RYR3: variants seen among roughly 807,000 people sequenced by gnomAD.
The protein encoded by RYR3 is brain ryanodine receptor-calcium release channel.
A neutral mutation model predicts 584.3 loss-of-function variants in RYR3; 207 were observed. That is an observed-to-expected ratio of 0.35 (90% CI 0.32 to 0.40). The LOEUF (loss-of-function observed/expected upper bound fraction) is 0.40. Ranked by LOEUF, RYR3 falls within the 10% of genes least tolerant of loss-of-function variation. The pLI, the probability that RYR3 is intolerant of heterozygous loss-of-function variation, is 1.00. For missense variants in RYR3, 5,616 were observed against 6,089.2 expected, an observed-to-expected ratio of 0.92 and a Z score of 2.59; for synonymous variants, 2,416 against 2,248.5, an observed-to-expected ratio of 1.07 and a Z score of -2.11.
Position 33,550,268 on chromosome 15 carries a change from G to C in RYR3, c.924G>C (p.Arg308=). ...ACCAAGGCCTTATACTGCAAGACCGGGCAAAGTCAGACACCAAGTCCACAG... is the reference window on the plus strand; with the variant it reads ...ACCAAGGCCTTATACTGCAAGACCGCGCAAAGTCAGACACCAAGTCCACAG... ...TEDQGLILQD[R]AKSDTKSTAF... is the part of the protein sequence containing the mutation. The change falls in exon 10 of 104, where the codon CGG becomes CGC. Residue 308 remains arginine (R), a synonymous_variant. Transcript: ENST00000634891. 6.2e-7 allele frequency: 1 copy of C among 1,613,532 alleles called. No homozygotes were observed. The highest frequency in any genetic ancestry group is 2.2e-5 in the East Asian group (1 of 44,840).
At chr15:33,678,198 T>G (rs1370707907) in intron 38 of RYR3, among the ~76,000 whole-genome samples, 1 of 152,210 alleles carries the variant, frequency 6.6e-6, no homozygotes, top group Non-Finnish European at 1.5e-5. Context: ...TGATATGGTT[T>G]GGCTCTGTGT....
chr15:33,449,070 A>G (rs2046901605), intron 1 of RYR3, among the ~76,000 whole-genome samples: 1 of 152,196 alleles, frequency 6.6e-6, no homozygotes. Context: ...GTGGCAAGTT[A>G]TCCCCAAACT....
chr15:33,401,081 G>GA (rs2042632480), intron 1 of RYR3, among the ~76,000 whole-genome samples: 1 of 152,220 alleles, frequency 6.6e-6, no homozygotes, highest in Admixed American at 6.5e-5. Flanking sequence ...AAATATGAGC[G>GA]AATGCCCTTC....
chr15:33,370,211 G>T (rs75908835), intron 1 of RYR3, among the ~76,000 whole-genome samples: 3,822 of 152,170 alleles, frequency 0.025, 99 homozygotes, highest in East Asian at 0.12. Flanking sequence ...GCACTGAGAT[G>T]CTTTCCAAAA....
intron 60 of RYR3, among the ~76,000 whole-genome samples, chr15:33,767,412 T>G (rs2073185151): frequency 6.6e-6 from 1 of 152,228 alleles, no homozygotes; most frequent in Admixed American, 6.5e-5. Flanking sequence ...TGTGTTCTCT[T>G]AAGCTATAGG....
intron 1 of RYR3, among the ~76,000 whole-genome samples, chr15:33,456,151 C>A (rs908906985): frequency 1.3e-4 from 20 of 152,154 alleles, no homozygotes; most frequent in Non-Finnish European, 2.8e-4. Flanking sequence ...GTTTTTAGGG[C>A]TAGTCTGTCT....
In RYR3 at chr15:33,311,768, C is replaced by T. The variant is rs951341815; in HGVS notation, c.51+672C>T. ...TTCTGCTCCTGGCTCCCGCGAGCCC[C>T]GCAGGACAGGGAAACCCCAGTCAGT... is the stretch of plus-strand genomic sequence containing the variant. On this transcript the variant is annotated intron_variant, in intron 1 of 103. Transcript: ENST00000634891. The surrounding 1 kb of genome is among the most constrained non-coding windows in gnomAD (Gnocchi z 4.4). Among the ~76,000 whole-genome samples, 4 of 152,232 alleles carry T rather than the reference C, an allele frequency of 2.6e-5. No individual in the cohort carries two copies. Among genetic ancestry groups the T allele is most frequent in the African/African-American group, 9.6e-5 (4 of 41,470 alleles).
chr15:33,574,964 G>C (rs1461287682), intron 12 of RYR3, among the ~76,000 whole-genome samples: 1 of 152,130 alleles, frequency 6.6e-6, no homozygotes, highest in Non-Finnish European at 1.5e-5. Context: ...GTGGAAAAAA[G>C]CAGGGGTTAT....
intron 48 of RYR3, among the ~76,000 whole-genome samples, chr15:33,735,363 T>C (rs974392609): frequency 6.6e-6 from 1 of 152,232 alleles, no homozygotes; most frequent in Non-Finnish European, 1.5e-5. Flanking sequence ...CGACTTTTGT[T>C]CTCCATCTGC....
intron 38 of RYR3, among the ~76,000 whole-genome samples, chr15:33,671,805 CTTTTTTTTTTT>C (rs56206846): frequency 5.0e-5 from 4 of 80,300 alleles, no homozygotes; most frequent in African/African-American, 2.2e-4. Flanking sequence ...CCTTCTTTTT[CTTTTTTTTTTT>C]TTTTTTTTTT....
intron 37 of RYR3, 53 bp downstream of exon 37, chr15:33,669,509 T>C: frequency 6.7e-7 from 1 of 1,497,480 alleles, no homozygotes. Flanking sequence ...GAGTCTGTTT[T>C]TGATTCCTTC....
In RYR3 at chr15:33,433,450, G is replaced by A. The variant is rs542350194; in HGVS notation, c.52-39969G>A. On this transcript the variant is annotated intron_variant, in intron 1 of 103. Coordinates refer to ENST00000634891, the MANE Select transcript of RYR3 (RefSeq NM_001036.6). Reference sequence around the variant, plus strand: ...ATATTACGTTCACTAAACTTCTTGGGTATTGTGTGCTGGACATATAAGATG... The same window carrying A: ...ATATTACGTTCACTAAACTTCTTGGATATTGTGTGCTGGACATATAAGATG... 2.0e-5 allele frequency among the ~76,000 whole-genome samples: 3 copies of A among 151,880 alleles called. No individual in the cohort carries two copies. The East Asian group carries it at 5.8e-4, about 29-fold the overall frequency.
chr15:33,539,579 T>C, intron 6 of RYR3, 117 bp downstream of exon 6: 1 of 631,210 alleles, frequency 1.6e-6, no homozygotes, highest in South Asian at 1.9e-5. Flanking sequence ...TTTACATATA[T>C]AGAGTTGACC....
rs553019478 is a variant in RYR3 at position 33,440,907 on chromosome 15, G to A, written c.52-32512G>A. The stretch of plus-strand genomic sequence containing the variant: ...CAAGGAAAAGAATGGTCAGACAGCA[G>A]TGAGAGTATTTGTGCTAAGAGCTGT... On this transcript the variant is annotated intron_variant, in intron 1 of 103. Transcript: ENST00000634891. 1.6e-4 allele frequency among the ~76,000 whole-genome samples: 25 copies of A among 152,332 alleles called. No homozygotes were observed. The East Asian group carries it at 3.9e-3, about 23-fold the overall frequency.
rs1158866351 is a variant in RYR3, at chr15:33,724,185, T to C, written c.6912+9T>C. 2 of 1,489,896 alleles carry C rather than the reference T, an allele frequency of 1.3e-6. No individual in the cohort carries two copies. The highest frequency in any genetic ancestry group is 3.4e-5 in the Admixed American group (2 of 58,666). The allele number at this position is 1,489,896 out of a possible 1,614,324, so 92.3% of individuals were successfully genotyped here. A position where few individuals can be genotyped will look rare whatever the true frequency, so the allele number is the denominator to read the frequency against. ...GTGCTCCTGAAATGCACGTAAGTGA[T>C]ACAGCTTCCAGAGAACAGCTTTGAG... On this transcript the variant is annotated intron_variant, in intron 45 of 103. Coordinates refer to ENST00000634891, the MANE Select transcript of RYR3 (RefSeq NM_001036.6).
chr15:33,670,195 T>A (rs923445604), intron 37 of RYR3, among the ~76,000 whole-genome samples: 1 of 151,826 alleles, frequency 6.6e-6, no homozygotes, highest in African/African-American at 2.4e-5. Flanking sequence ...AACACATGTT[T>A]TAGGATTAAA....
At chr15:33,833,648 C>T (rs1328668383) in intron 86 of RYR3, among the ~76,000 whole-genome samples, 7 of 152,212 alleles carry the variant, frequency 4.6e-5, no homozygotes, top group South Asian at 2.1e-4. Context: ...CCATGGAGCA[C>T]GAACCCAAAA....
At position 33,566,796 on chromosome 15, in the gene RYR3, T is replaced by A; in HGVS notation, c.1265T>A (p.Val422Asp). ...RNTTALFSQFVSGNNRTAAPI... is the reference protein window; with the variant it reads ...RNTTALFSQFDSGNNRTAAPI... The stretch of plus-strand genomic sequence containing the variant: ...ACTACAGCCTTATTCAGCCAGTTTG[T>A]CAGGTATGTTAGCTCCTTTCCTCCT... The change falls in exon 12 of 104, where the codon GTC becomes GAC. Residue 422 changes from valine (V) to aspartate (D), a missense_variant. This residue lies in a region of RYR3 where 1,284 missense variants were observed against 1,344.6 expected (regional missense o/e 0.95). Coordinates refer to ENST00000634891, the MANE Select transcript of RYR3 (RefSeq NM_001036.6). The A allele has an allele frequency of 6.2e-7, 1 of 1,613,688 alleles. No individual in the cohort carries two copies.
At chr15:33,637,665 A>C (rs1023288389) in intron 27 of RYR3, among the ~76,000 whole-genome samples, 3 of 152,266 alleles carry the variant, frequency 2.0e-5, no homozygotes, top group African/African-American at 7.2e-5. Flanking sequence ...AAGAGAGCAC[A>C]AATACATGAA....
Sources: allele counts gnomAD v4.1 joint callset (sites outside exome capture counted in the v4.1 genomes callset), GRCh38; gene constraint gnomAD v4.1.1; regional missense constraint gnomAD v4.1.1; non-coding constraint Gnocchi (gnomAD v3.1); transcripts MANE v1.5; gene names NCBI Gene and HGNC (gene_info 2026-07-23, HGNC 2026-07-21).